Variants in SHLD2 observed in about 807,000 individuals in gnomAD.
The protein encoded by SHLD2 is RINN1-REV7-interacting novel NHEJ regulator 2.
Under a neutral mutation model 73.2 loss-of-function variants are expected in SHLD2, and 30 were observed. That is an observed-to-expected ratio of 0.41 (90% CI 0.31 to 0.56). The LOEUF (loss-of-function observed/expected upper bound fraction) is 0.56, where lower values mean the gene tolerates loss of function less well. Among genes scored for constraint, SHLD2 ranks in the 20% least tolerant of loss-of-function variants. The pLI, the probability that SHLD2 is intolerant of heterozygous loss-of-function variation, is 0.28. For synonymous variants in SHLD2, 285 were observed against 370.1 expected, an observed-to-expected ratio of 0.77 and a Z score of 2.64; for missense variants, 745 against 1,055.9, an observed-to-expected ratio of 0.71 and a Z score of 4.08.
At chr10:87,171,746 G>A (rs1294942119) in intron 6 of SHLD2, among the ~76,000 whole-genome samples, 1 of 152,184 alleles carries the variant, frequency 6.6e-6, no homozygotes, top group African/African-American at 2.4e-5. Context: ...TTGTAGATAG[G>A]AGCTATCACA....
At chr10:87,096,235 G>A (rs907555556) in intron 1 of SHLD2, among the ~76,000 whole-genome samples, 11 of 152,014 alleles carry the variant, frequency 7.2e-5, no homozygotes, top group Non-Finnish European at 1.3e-4. Flanking sequence ...AGTAGAGACG[G>A]GGTTTCGCTG....
intron 2 of SHLD2, among the ~76,000 whole-genome samples, chr10:87,110,686 A>G (rs1217034215): frequency 6.6e-6 from 1 of 151,968 alleles, no homozygotes; most frequent in Non-Finnish European, 1.5e-5. Context: ...AAGAATTATC[A>G]TTTTAATGGA....
chr10:87,120,300 T>C (rs1843525262), intron 2 of SHLD2, among the ~76,000 whole-genome samples: 3 of 151,846 alleles, frequency 2.0e-5, no homozygotes, highest in Non-Finnish European at 4.4e-5. Context: ...CAGGCTGGAG[T>C]GCAGTGGCAT....
rs781649531 is a variant in SHLD2 at position 87,158,064 on chromosome 10, G to A, written c.1542G>A (p.Glu514=). The change falls in exon 4 of 10, where the codon GAG becomes GAA. Residue 514 remains glutamate, a synonymous_variant. Transcript: ENST00000298786. ...IILLTDVVIH[E]DQWIGETVLQ... is the part of the protein sequence containing the mutation. ...TCTCTCTAGATGTTGTTATTCATGA[G>A]GACCAATGGATTGGCGAGACAGTAC... 9 of 1,611,144 alleles carry A rather than the reference G, an allele frequency of 5.6e-6. No individual in the cohort carries two copies. In the East Asian group the frequency reaches 1.3e-4, roughly 24 times the overall value.
At chr10:87,113,241 T>C (rs1274345558) in intron 2 of SHLD2, among the ~76,000 whole-genome samples, 1 of 152,164 alleles carries the variant, frequency 6.6e-6, no homozygotes, top group Non-Finnish European at 1.5e-5. Context: ...GGAGAATCGC[T>C]TGAACCTGGG....
chr10:87,142,400 A>G (rs1845259221), intron 2 of SHLD2, among the ~76,000 whole-genome samples: 1 of 152,184 alleles, frequency 6.6e-6, no homozygotes, highest in Non-Finnish European at 1.5e-5. Flanking sequence ...TTAAGAACTT[A>G]TGTTTTGCTG....
intron 2 of SHLD2, among the ~76,000 whole-genome samples, chr10:87,105,120 G>A (rs115025173): frequency 9.5e-4 from 144 of 152,234 alleles, no homozygotes; most frequent in African/African-American, 3.4e-3. Context: ...GTTTAATGAT[G>A]TGGACCACCC....
intron 6 of SHLD2, among the ~76,000 whole-genome samples, chr10:87,174,567 C>CA (rs5786765): frequency 0.021 from 2,337 of 113,238 alleles, 23 homozygotes; most frequent in Non-Finnish European, 0.024. Flanking sequence ...GATTTTCCAC[C>CA]AAAAAAAAAA....
intron 4 of SHLD2, among the ~76,000 whole-genome samples, chr10:87,168,019 A>G (rs1847325014): frequency 6.6e-6 from 1 of 152,210 alleles, no homozygotes; most frequent in Non-Finnish European, 1.5e-5. Context: ...ATGCTCATAC[A>G]CTGTTGGTGC....
intron 3 of SHLD2, among the ~76,000 whole-genome samples, chr10:87,153,268 A>C (rs1846143356): frequency 6.6e-6 from 1 of 152,026 alleles, no homozygotes; most frequent in Non-Finnish European, 1.5e-5. Flanking sequence ...AAAATAAATT[A>C]AGGTTTGCGT....
chr10:87,131,249 A>G (rs1196311106), intron 2 of SHLD2, among the ~76,000 whole-genome samples: 1 of 151,896 alleles, frequency 6.6e-6, no homozygotes, highest in Non-Finnish European at 1.5e-5. Context: ...ATTTATAAGT[A>G]TACAGTTCAG....
intron 2 of SHLD2, among the ~76,000 whole-genome samples, chr10:87,128,498 C>T (rs1844199759): frequency 6.6e-6 from 1 of 152,218 alleles, no homozygotes; most frequent in African/African-American, 2.4e-5. Flanking sequence ...TTCTTTTCTC[C>T]TGCATTGGCA....
At chr10:87,124,988 C>T (rs1420509815) in intron 2 of SHLD2, among the ~76,000 whole-genome samples, 8 of 152,112 alleles carry the variant, frequency 5.3e-5, no homozygotes, top group Non-Finnish European at 1.2e-4. Context: ...GGTGATCCTC[C>T]TGCCTCGGCC....
At chr10:87,165,054 G>A (rs1280012031) in intron 4 of SHLD2, among the ~76,000 whole-genome samples, 1 of 152,084 alleles carries the variant, frequency 6.6e-6, no homozygotes, top group African/African-American at 2.4e-5. Flanking sequence ...AGGTTTGGAG[G>A]TGTGTCCCTA....
At chr10:87,097,465 A>AGG (rs1841976354) in intron 2 of SHLD2, among the ~76,000 whole-genome samples, 1 of 151,428 alleles carries the variant, frequency 6.6e-6, no homozygotes, top group South Asian at 2.1e-4. Context: ...GGTGGCGGGG[A>AGG]GGGGGTTGGG....
intron 2 of SHLD2, among the ~76,000 whole-genome samples, chr10:87,129,781 T>C (rs1844297798): frequency 6.6e-6 from 1 of 151,552 alleles, no homozygotes; most frequent in African/African-American, 2.4e-5. Context: ...CCGCCAAACC[T>C]AGCTAACTTT....
chr10:87,177,635 T>C (rs1188078467), intron 7 of SHLD2, among the ~76,000 whole-genome samples: 2 of 152,204 alleles, frequency 1.3e-5, no homozygotes, highest in South Asian at 2.1e-4. Flanking sequence ...AAGGAACTTT[T>C]CCCTAACCTA....
At chr10:87,147,020 C>G (rs1200070307) in intron 2 of SHLD2, among the ~76,000 whole-genome samples, 1 of 140,288 alleles carries the variant, frequency 7.1e-6, no homozygotes, top group Non-Finnish European at 1.5e-5. Flanking sequence ...CGTGCCATTG[C>G]ACTCCAGCCT....
At chr10:87,164,365 ACTTCAGCCTT>A (rs1478061294) in intron 4 of SHLD2, among the ~76,000 whole-genome samples, 1 of 151,622 alleles carries the variant, frequency 6.6e-6, no homozygotes, top group Non-Finnish European at 1.5e-5. Context: ...CCAGCCTCCC[ACTTCAGCCTT>A]CCAAGTAGCC....
Sources: gnomAD v4.1 joint callset for allele counts (sites outside exome capture counted in the v4.1 genomes callset) on GRCh38, gnomAD v4.1.1 for gene constraint, MANE v1.5 for transcripts, NCBI Gene and HGNC (gene_info 2026-07-23, HGNC 2026-07-21) for gene names.